Variants in KCNS1 observed in about 807,000 individuals in gnomAD.
KCNS1 encodes potassium voltage-gated channel modifier subfamily S member 1, also known as delayed-rectifier potassium channel regulatory subunit KCNS1.
A neutral mutation model predicts 33.1 loss-of-function variants in KCNS1; 26 were observed. That is an observed-to-expected ratio of 0.79 (90% CI 0.58 to 1.09). The LOEUF (loss-of-function observed/expected upper bound fraction) is 1.09, where lower values mean the gene tolerates loss of function less well. KCNS1 is among the 50% of genes least tolerant of loss of function. KCNS1 has a pLI of 0.00. For synonymous variants in KCNS1, 299 were observed against 338.8 expected, an observed-to-expected ratio of 0.88 and a Z score of 1.29; for missense variants, 702 against 752.4, an observed-to-expected ratio of 0.93 and a Z score of 0.78.
rs779931108 is a variant in KCNS1 at position 45,095,188 on chromosome 20, G to C, written c.1263C>G (p.Thr421=). ...CTGGCACCACATCCCCATAGCCCACGGTGGTCATGCTCACTGTGCCCCACC... is the reference window on the plus strand; with the variant it reads ...CTGGCACCACATCCCCATAGCCCACCGTGGTCATGCTCACTGTGCCCCACC... The part of the protein sequence containing the change: ...CWWWGTVSMT[T]VGYGDVVPVT... Residue 421 remains threonine (T), a synonymous_variant, in exon 4 of 4, where the codon ACC becomes ACG. Coordinates refer to ENST00000537075, the MANE Select transcript of KCNS1 (RefSeq NM_001322799.2). 6.2e-7 allele frequency: 1 copy of C among 1,613,976 alleles called. No individual in the cohort carries two copies. Among genetic ancestry groups the C allele is most frequent in the African/African-American group, 1.3e-5 (1 of 74,890 alleles).
chr20:45,098,062 A>G lies in KCNS1; in HGVS notation c.710T>C (p.Met237Thr). 1 of 1,548,430 alleles carries G rather than the reference A, an allele frequency of 6.5e-7. No homozygotes were observed. Among genetic ancestry groups the G allele is most frequent in the Non-Finnish European group, 8.7e-7 (1 of 1,146,954 alleles). The change falls in exon 3 of 4, where the codon ATG (methionine) becomes ACG (threonine). Residue 237 changes from methionine (M) to threonine (T), a missense_variant. By Grantham distance (81) the Met-to-Thr change is moderately conservative. Coordinates refer to ENST00000537075, the MANE Select transcript of KCNS1 (RefSeq NM_001322799.2). The surrounding 1 kb of genome is among the most constrained non-coding windows in gnomAD (Gnocchi z 5.2). ...ISVVLASIAA[M>T]CIHSLPEYQA... ...GTACTCGGGCAGGCTGTGGATGCACATGGCGGCGATGGAGGCGAGCACCAC... is the reference window on the plus strand; with the variant it reads ...GTACTCGGGCAGGCTGTGGATGCACGTGGCGGCGATGGAGGCGAGCACCAC...
intron 1 of KCNS1, chr20:45,100,177 T>G (rs1239703589): frequency 2.6e-5 from 4 of 152,254 alleles, no homozygotes; most frequent in African/African-American, 9.7e-5. Flanking sequence ...TGTCCTTGAG[T>G]GCATTCGTCG....
At position 45,098,294 on chromosome 20, in the gene KCNS1, G is replaced by T. The variant is rs1981272782; in HGVS notation, c.478C>A (p.Arg160=). 1.3e-6 allele frequency: 2 copies of T among 1,580,454 alleles called. No individual in the cohort carries two copies. The highest frequency in any genetic ancestry group is 2.3e-5 in the East Asian group (1 of 43,184). ...TCCCAGGCGTGCGGCTGGGTCAGCC[G>T]CCTCTCCAGGTAGCGCGCGCGGCAG... The part of the protein sequence containing the change: ...ACCRARYLER[R]LTQPHAWDED... The change falls in exon 3 of 4, where the codon CGG becomes AGG. Residue 160 remains arginine, a synonymous_variant. Transcript: ENST00000537075. This position sits in a 1 kb window ranked among gnomAD's most constrained non-coding sequence, Gnocchi z 5.2.
intron 3 of KCNS1, among the ~76,000 whole-genome samples, chr20:45,095,638 G>A (rs1177390512): frequency 6.6e-6 from 1 of 152,214 alleles, no homozygotes; most frequent in Non-Finnish European, 1.5e-5. Flanking sequence ...GGAATGAAGA[G>A]CTTGTGATTT....
Position 45,093,380 on chromosome 20 carries a change from G to T in KCNS1, c.*1490C>A, listed in dbSNP as rs1454769254. On this transcript the variant is annotated 3_prime_UTR_variant, in exon 4 of 4. Coordinates refer to ENST00000537075, the MANE Select transcript of KCNS1 (RefSeq NM_001322799.2). ...CTTGTTCACACCTTTTTGAGGGCCAGGTCTCTCTCTGGCTATCTTTTTTTC... is the reference window on the plus strand; with the variant it reads ...CTTGTTCACACCTTTTTGAGGGCCATGTCTCTCTCTGGCTATCTTTTTTTC... 1 of 151,502 alleles carries T rather than the reference G, an allele frequency of 6.6e-6. No individual in the cohort carries two copies. Among genetic ancestry groups the T allele is most frequent in the Non-Finnish European group, 1.5e-5 (1 of 67,784 alleles). The allele number at this position is 151,502 out of a possible 1,614,324, so 9.4% of individuals were successfully genotyped here. A position where few individuals can be genotyped will look rare whatever the true frequency, so the allele number is the denominator to read the frequency against.
Position 45,094,837 on chromosome 20 carries a change from AG to A in KCNS1, c.*32del, listed in dbSNP as rs1981120767. 1 of 1,533,452 alleles carries A rather than the reference AG, an allele frequency of 6.5e-7. No individual in the cohort carries two copies. The highest frequency in any genetic ancestry group is 1.4e-5 in the African/African-American group (1 of 72,724). The allele number at this position is 1,533,452 out of a possible 1,614,324, so 95.0% of individuals were successfully genotyped here. A position where few individuals can be genotyped will look rare whatever the true frequency, so the allele number is the denominator to read the frequency against. On this transcript the variant is annotated 3_prime_UTR_variant, in exon 4 of 4. Coordinates refer to ENST00000537075, the MANE Select transcript of KCNS1 (RefSeq NM_001322799.2). ...TTAGCAGGGGAGGAATCTCTACTGT[AG>A]GGGCATGGCAGGGGGTCACGGATCC...
chr20:45,095,089 G>A lies in KCNS1; in HGVS notation c.1362C>T (p.Thr454=), dbSNP rs1323497387. 3 of 1,614,094 alleles carry A rather than the reference G, an allele frequency of 1.9e-6. No individual in the cohort carries two copies. Among genetic ancestry groups the A allele is most frequent in the Middle Eastern group, 1.6e-4 (1 of 6,062 alleles). ...AGTGGGAGAACTTGTTGAAGATGAT[G>A]GTGATGGGGAGTGCTACCACCAGGA... The part of the protein sequence containing the change: ...GGILVVALPI[T]IIFNKFSHFY... The change falls in exon 4 of 4, where the codon ACC becomes ACT. Residue 454 remains threonine (T), a synonymous_variant. Coordinates refer to ENST00000537075, the MANE Select transcript of KCNS1 (RefSeq NM_001322799.2).
At position 45,097,965 on chromosome 20, in the gene KCNS1, G is replaced by T. The variant is rs770046040; in HGVS notation, c.807C>A (p.Asp269Glu). Residue 269 changes from aspartate to glutamate, a missense_variant, in exon 3 of 4, where the codon GAC (aspartate) becomes GAA (glutamate). Coordinates refer to ENST00000537075, the MANE Select transcript of KCNS1 (RefSeq NM_001322799.2). ...AGRSPEGVRDDPVLRRLEYFC... is the reference protein window; with the variant it reads ...AGRSPEGVRDEPVLRRLEYFC... The stretch of plus-strand genomic sequence containing the variant: ...AGTACTCGAGGCGTCGCAGCACCGG[G>T]TCGTCGCGCACGCCTTCCGGGCTGC... 44 of 1,557,700 alleles carry T rather than the reference G, an allele frequency of 2.8e-5. No homozygotes were observed. In the East Asian group the frequency reaches 1.1e-3, roughly 38 times the overall value.
chr20:45,097,730 G>A lies in KCNS1; in HGVS notation c.1042C>T (p.Arg348Cys), dbSNP rs772970217. 1.9e-6 allele frequency: 3 copies of A among 1,612,294 alleles called. No individual in the cohort carries two copies. Among genetic ancestry groups the A allele is most frequent in the South Asian group, 1.1e-5 (1 of 91,034 alleles). The change falls in exon 3 of 4, where the codon CGC becomes TGC. Residue 348 changes from arginine (R) to cysteine (C), a missense_variant. Physicochemically the swap from Arg to Cys is radical, Grantham distance 180. This residue lies in a region of KCNS1 where 253 missense variants were observed against 327.4 expected (regional missense o/e 0.77). Transcript: ENST00000537075. ...GCCAACTTGAGTACGCGGAAGATGC[G>A]CATGAGGCGGAACACCTGCACCACC... ...GKVVQVFRLM[R>C]IFRVLKLARH...
chr20:45,093,289 A>G lies in KCNS1; in HGVS notation c.*1581T>C, dbSNP rs1350157201. The G allele has an allele frequency of 6.6e-6, 1 of 152,140 alleles. No individual in the cohort carries two copies. Among genetic ancestry groups the G allele is most frequent in the African/African-American group, 2.4e-5 (1 of 41,432 alleles). The allele number at this position is 152,140 out of a possible 1,614,324, so 9.4% of individuals were successfully genotyped here. ...TGAGTGAAGAACCTACAAGGAATAT[A>G]TTGTAAAAACTTCAAGAACCAAGCA... is the stretch of plus-strand genomic sequence containing the variant. On this transcript the variant is annotated 3_prime_UTR_variant, in exon 4 of 4. Transcript: ENST00000537075.
Position 45,098,546 on chromosome 20 carries a change from G to C in KCNS1, c.226C>G (p.Leu76Val). ...RALARFPGTR[L>V]GRLQAAASEE... Reference sequence around the variant, plus strand: ...GACGCCGCGGCCTGCAGGCGGCCCAGCCGCGTGCCCGGGAAGCGCGCCAGG... The same window carrying C: ...GACGCCGCGGCCTGCAGGCGGCCCACCCGCGTGCCCGGGAAGCGCGCCAGG... Residue 76 changes from leucine to valine, a missense_variant, in exon 3 of 4, where the codon CTG becomes GTG. By Grantham distance (32) the Leu-to-Val change is conservative (BLOSUM62 1). Coordinates refer to ENST00000537075, the MANE Select transcript of KCNS1 (RefSeq NM_001322799.2). This position sits in a 1 kb window ranked among gnomAD's most constrained non-coding sequence, Gnocchi z 5.2. 7.0e-7 allele frequency: 1 copy of C among 1,430,258 alleles called. No individual in the cohort carries two copies. Among genetic ancestry groups the C allele is most frequent in the African/African-American group, 1.5e-5 (1 of 66,750 alleles). The allele number at this position is 1,430,258 out of a possible 1,614,324, so 88.6% of individuals were successfully genotyped here.
In KCNS1 at chr20:45,098,099, C is replaced by T; in HGVS notation, c.673G>A (p.Val225Ile). The T allele has an allele frequency of 6.3e-7, 1 of 1,581,358 alleles. No individual in the cohort carries two copies. The change falls in exon 3 of 4, where the codon GTC (valine) becomes ATC (isoleucine). Residue 225 changes from valine (V) to isoleucine (I), a missense_variant. Coordinates refer to ENST00000537075, the MANE Select transcript of KCNS1 (RefSeq NM_001322799.2). The surrounding 1 kb of genome is among the most constrained non-coding windows in gnomAD (Gnocchi z 5.2). Reference protein sequence around the residue: ...YSLPSKLFSCVSISVVLASIA... With the variant: ...YSLPSKLFSCISISVVLASIA... Reference sequence around the variant, plus strand: ...GAGGCGAGCACCACGCTGATGGAGACGCAGCTGAAGAGCTTGCTCGGCAGC... The same window carrying T: ...GAGGCGAGCACCACGCTGATGGAGATGCAGCTGAAGAGCTTGCTCGGCAGC...
chr20:45,098,283 C>T lies in KCNS1; in HGVS notation c.489G>A (p.Gln163=). The T allele has an allele frequency of 6.3e-7, 1 of 1,582,664 alleles. No individual in the cohort carries two copies. Among genetic ancestry groups the T allele is most frequent in the Non-Finnish European group, 8.6e-7 (1 of 1,167,106 alleles). The change falls in exon 3 of 4, where the codon CAG becomes CAA. Residue 163 remains glutamine, a synonymous_variant. Coordinates refer to ENST00000537075, the MANE Select transcript of KCNS1 (RefSeq NM_001322799.2). This position sits in a 1 kb window ranked among gnomAD's most constrained non-coding sequence, Gnocchi z 5.2. ...CGCTGTCCTCGTCCCAGGCGTGCGG[C>T]TGGGTCAGCCGCCTCTCCAGGTAGC... ...RARYLERRLT[Q]PHAWDEDSDT... is the part of the protein sequence containing the mutation.
At position 45,097,997 on chromosome 20, in the gene KCNS1, C is replaced by A; in HGVS notation, c.775G>T (p.Ala259Ser). The A allele has an allele frequency of 6.5e-7, 1 of 1,530,796 alleles. No homozygotes were observed. The highest frequency in any genetic ancestry group is 8.8e-7 in the Non-Finnish European group (1 of 1,140,020). 94.8% of individuals were successfully genotyped at this position (1,530,796 alleles called of 1,614,324 possible). ...EAAAAVAAVA[A>S]GRSPEGVRDD... is the part of the protein sequence containing the mutation. ...CGCACGCCTTCCGGGCTGCGGCCCG[C>A]GGCCACCGCAGCCACGGCGGCCGCC... Residue 259 changes from alanine to serine, a missense_variant, in exon 3 of 4, where the codon GCG (alanine) becomes TCG (serine). Transcript: ENST00000537075.
At chr20:45,095,433 G>A in intron 3 of KCNS1, 93 bp from the exon 4 acceptor site, 1 of 1,187,330 alleles carries the variant, frequency 8.4e-7, no homozygotes, top group East Asian at 2.6e-5. Context: ...AGAGTATAAA[G>A]GACAGGTCCA....
In KCNS1 at chr20:45,094,931, C is replaced by T. The variant is rs770626039; in HGVS notation, c.1520G>A (p.Gly507Glu). ...LETSRETSQE[G>E]QSADLESQAP... is the part of the protein sequence containing the mutation. Reference sequence around the variant, plus strand: ...CTGGCTCTCTAGATCTGCAGACTGTCCCTCCTGAGAGGTTTCTCGGGATGT... The same window carrying T: ...CTGGCTCTCTAGATCTGCAGACTGTTCCTCCTGAGAGGTTTCTCGGGATGT... Residue 507 changes from glycine to glutamate, a missense_variant, in exon 4 of 4, where the codon GGA (glycine) becomes GAA (glutamate). Gly to Glu is a moderately conservative substitution (Grantham distance 98). Coordinates refer to ENST00000537075, the MANE Select transcript of KCNS1 (RefSeq NM_001322799.2). 1 of 1,613,942 alleles carries T rather than the reference C, an allele frequency of 6.2e-7. No individual in the cohort carries two copies. The highest frequency in any genetic ancestry group is 1.7e-5 in the Admixed American group (1 of 60,010).
chr20:45,094,972 C>A lies in KCNS1; in HGVS notation c.1479G>T (p.Ser493=). 2 of 1,613,776 alleles carry A rather than the reference C, an allele frequency of 1.2e-6. No homozygotes were observed. Among genetic ancestry groups the A allele is most frequent in the Non-Finnish European group, 1.7e-6 (2 of 1,179,894 alleles). Residue 493 remains serine, a synonymous_variant, in exon 4 of 4, where the codon TCG becomes TCT. Coordinates refer to ENST00000537075, the MANE Select transcript of KCNS1 (RefSeq NM_001322799.2). ...CTCGGGATGTCTCCAGAGATGCCTC[C>A]GACACCCCATCAATGCTGCTCAGCA... is the stretch of plus-strand genomic sequence containing the variant. ...EDLLSSIDGV[S]EASLETSRET...
At position 45,098,219 on chromosome 20, in the gene KCNS1, A is replaced by C. The variant is rs781164466; in HGVS notation, c.553T>G (p.Ser185Ala). ...SSVDPCPDEI[S>A]DVQRELARYG... ...CGCGCCAGTTCTCGCTGCACGTCGGAGATCTCGTCGGGGCACGGGTCCACG... is the reference window on the plus strand; with the variant it reads ...CGCGCCAGTTCTCGCTGCACGTCGGCGATCTCGTCGGGGCACGGGTCCACG... The change falls in exon 3 of 4, where the codon TCC becomes GCC. Residue 185 changes from serine (S) to alanine (A), a missense_variant. Ser to Ala is a moderately conservative substitution (Grantham distance 99, BLOSUM62 1). Coordinates refer to ENST00000537075, the MANE Select transcript of KCNS1 (RefSeq NM_001322799.2). The surrounding 1 kb of genome is among the most constrained non-coding windows in gnomAD (Gnocchi z 5.2). 5.0e-6 allele frequency: 8 copies of C among 1,604,738 alleles called. No individual in the cohort carries two copies. Among genetic ancestry groups the C allele is most frequent in the African/African-American group, 2.7e-5 (2 of 74,586 alleles).
rs35456522 is a variant in KCNS1 at position 45,098,802 on chromosome 20, G to T, written c.77-107C>A. On this transcript the variant is annotated intron_variant, in intron 2 of 3. Coordinates refer to ENST00000537075, the MANE Select transcript of KCNS1 (RefSeq NM_001322799.2). This position sits in a 1 kb window ranked among gnomAD's most constrained non-coding sequence, Gnocchi z 5.2. ...AACCAGCCAAGGGGTGTTGGAGGCTGTGTGTGAAGCATCTGGTATGCAGGA... is the reference window on the plus strand; with the variant it reads ...AACCAGCCAAGGGGTGTTGGAGGCTTTGTGTGAAGCATCTGGTATGCAGGA... The T allele has an allele frequency of 4.7e-6, 5 of 1,072,214 alleles. No homozygotes were observed. In the East Asian group the frequency reaches 1.6e-4, roughly 34 times the overall value. The allele number at this position is 1,072,214 out of a possible 1,614,324, so 66.4% of individuals were successfully genotyped here. A position where few individuals can be genotyped will look rare whatever the true frequency, so the allele number is the denominator to read the frequency against.
Sources: allele counts gnomAD v4.1 joint callset (sites outside exome capture counted in the v4.1 genomes callset), GRCh38; gene constraint gnomAD v4.1.1; regional missense constraint gnomAD v4.1.1; non-coding constraint Gnocchi (gnomAD v3.1); transcripts MANE v1.5; gene names NCBI Gene and HGNC (gene_info 2026-07-23, HGNC 2026-07-21).